The following VPS52 variants were observed in gnomAD, a reference collection of about 807,000 sequenced individuals.
VPS52 encodes VPS52 subunit of GARP complex, also known as vacuolar protein sorting-associated protein 52 homolog.
A neutral mutation model predicts 98.7 loss-of-function variants in VPS52; 56 were observed. The observed-to-expected ratio is 0.57, with a 90% confidence interval of 0.46 to 0.71. VPS52 has a LOEUF of 0.71. Among genes scored for constraint, VPS52 ranks in the 30% least tolerant of loss-of-function variants. VPS52 has a pLI of 0.00. For synonymous variants in VPS52, 348 were observed against 346.4 expected, an observed-to-expected ratio of 1.00 and a Z score of -0.05; for missense variants, 742 against 925.9, an observed-to-expected ratio of 0.80 and a Z score of 2.58.
intron 1 of VPS52, chr6:33,271,277 G>A (rs1765027153): frequency 1.6e-6 from 1 of 620,998 alleles, no homozygotes; most frequent in Non-Finnish European, 2.9e-6. Flanking sequence ...CACACAGCGT[G>A]TAAGTGGCAG....
rs757220709 is a variant in VPS52 at position 33,263,988 on chromosome 6, G to A, written c.1620+20C>T. ...GGAAGCAGCCCTGCTGCTGGGAAGT[G>A]TCTCCTGTCCGACCCTCACCTGCAG... is the stretch of plus-strand genomic sequence containing the variant. On this transcript the variant is annotated intron_variant, in intron 15 of 19. Coordinates refer to ENST00000445902, the MANE Select transcript of VPS52 (RefSeq NM_022553.6). 2.5e-5 allele frequency: 40 copies of A among 1,614,006 alleles called. No homozygotes were observed. The highest frequency in any genetic ancestry group is 3.3e-5 in the Non-Finnish European group (39 of 1,179,964).
chr6:33,253,625 C>T (rs541874293), intron 17 of VPS52, among the ~76,000 whole-genome samples: 19 of 151,954 alleles, frequency 1.3e-4, no homozygotes, highest in East Asian at 5.8e-4. Flanking sequence ...TGTGGTGGCA[C>T]ACACCTGTAG....
chr6:33,258,135 C>A (rs1252564236), intron 17 of VPS52, among the ~76,000 whole-genome samples: 2 of 152,054 alleles, frequency 1.3e-5, no homozygotes, highest in African/African-American at 2.4e-5. Flanking sequence ...TGCCTGTAAT[C>A]CCAGCATTTT....
chr6:33,267,663 T>C lies in VPS52; in HGVS notation c.991+19A>G. 6.2e-7 allele frequency: 1 copy of C among 1,612,870 alleles called. No individual in the cohort carries two copies. Among genetic ancestry groups the C allele is most frequent in the South Asian group, 1.1e-5 (1 of 91,070 alleles). On this transcript the variant is annotated intron_variant, in intron 10 of 19. Coordinates refer to ENST00000445902, the MANE Select transcript of VPS52 (RefSeq NM_022553.6). The surrounding 1 kb of genome is among the most constrained non-coding windows in gnomAD (Gnocchi z 4.2). Reference sequence around the variant, plus strand: ...CCACTCTCAAGGCCTGGCATGAGGGTTCCCCAGTACTAGGATATCTTTCTT... The same window carrying C: ...CCACTCTCAAGGCCTGGCATGAGGGCTCCCCAGTACTAGGATATCTTTCTT...
intron 19 of VPS52, 80 bp downstream of exon 19, chr6:33,251,438 A>G: frequency 1.1e-6 from 1 of 943,244 alleles, no homozygotes; most frequent in Non-Finnish European, 1.7e-6. Flanking sequence ...GGTCACTTAG[A>G]TGATGCTGAG....
chr6:33,252,281 G>A (rs1762363768), intron 17 of VPS52, among the ~76,000 whole-genome samples: 1 of 152,182 alleles, frequency 6.6e-6, no homozygotes, highest in East Asian at 1.9e-4. Context: ...CAGTTGTACT[G>A]TGTGCAATGT....
chr6:33,252,140 A>C (rs1762345733), intron 17 of VPS52, among the ~76,000 whole-genome samples, 169 bp from the exon 18 acceptor site: 1 of 152,256 alleles, frequency 6.6e-6, no homozygotes, highest in African/African-American at 2.4e-5. Context: ...TTTGGCCCAT[A>C]CAGTTCCCCT....
intron 17 of VPS52, among the ~76,000 whole-genome samples, chr6:33,261,090 C>T (rs1562550262): frequency 6.6e-6 from 1 of 152,018 alleles, no homozygotes; most frequent in East Asian, 1.9e-4. Context: ...AGACAACTGT[C>T]TTTACAAAAT....
chr6:33,264,737 G>C lies in VPS52; in HGVS notation c.1400+45C>G, dbSNP rs780420454. The C allele has an allele frequency of 7.0e-6, 11 of 1,566,978 alleles. No individual in the cohort carries two copies. The South Asian group carries it at 1.2e-4, about 17-fold the overall frequency. ...TCAGGGCAGAGTCATGCAAGACCAAGAGAGTTCGTGGCCTGTTGGGCATCA... is the reference window on the plus strand; with the variant it reads ...TCAGGGCAGAGTCATGCAAGACCAACAGAGTTCGTGGCCTGTTGGGCATCA... On this transcript the variant is annotated intron_variant, in intron 13 of 19. Transcript: ENST00000445902.
At chr6:33,269,306 G>C in intron 5 of VPS52, 117 bp from the exon 6 acceptor site, 2 of 1,443,740 alleles carry the variant, frequency 1.4e-6, no homozygotes, top group Non-Finnish European at 1.9e-6. Context: ...GGCAGATGAT[G>C]AGACACCCCA....
intron 16 of VPS52, 64 bp downstream of exon 16, chr6:33,263,708 C>G (rs1451148646): frequency 8.2e-6 from 13 of 1,594,588 alleles, no homozygotes; most frequent in Non-Finnish European, 1.1e-5. Context: ...CCTCACAGAG[C>G]TAACAGCAGT....
At chr6:33,269,284 G>GC in intron 5 of VPS52, 95 bp from the exon 6 acceptor site, 1 of 1,532,776 alleles carries the variant, frequency 6.5e-7, no homozygotes, top group Non-Finnish European at 8.9e-7. Flanking sequence ...GTATTTATCA[G>GC]TCCTTGAGGG....
chr6:33,263,621 C>T (rs1763931944), intron 16 of VPS52, 72 bp from the exon 17 acceptor site: 1 of 1,599,296 alleles, frequency 6.3e-7, no homozygotes, highest in East Asian at 2.2e-5. Context: ...CCCTTCATTC[C>T]ACACTTATTG....
chr6:33,257,140 C>G (rs1481519740), intron 17 of VPS52, among the ~76,000 whole-genome samples: 1 of 152,126 alleles, frequency 6.6e-6, no homozygotes, highest in Non-Finnish European at 1.5e-5. Context: ...AGTGATCCTC[C>G]CACCTCAGCT....
intron 17 of VPS52, among the ~76,000 whole-genome samples, chr6:33,261,736 G>A (rs941221419): frequency 1.1e-4 from 16 of 151,794 alleles, no homozygotes; most frequent in African/African-American, 3.6e-4. Context: ...ATGGGATCAC[G>A]TCAAGTTACA....
At position 33,264,306 on chromosome 6, in the gene VPS52, C is replaced by A. The variant is rs977922952; in HGVS notation, c.1524+68G>T. On this transcript the variant is annotated intron_variant, in intron 14 of 19. Coordinates refer to ENST00000445902, the MANE Select transcript of VPS52 (RefSeq NM_022553.6). Reference sequence around the variant, plus strand: ...GCCCATGACACAACTGTGACCTTGGCCAACCCCCACAATGATGCTTAGAGC... The same window carrying A: ...GCCCATGACACAACTGTGACCTTGGACAACCCCCACAATGATGCTTAGAGC... 8 of 1,592,120 alleles carry A rather than the reference C, an allele frequency of 5.0e-6. No individual in the cohort carries two copies. The South Asian group carries it at 6.9e-5, about 14-fold the overall frequency.
At chr6:33,264,926 G>A (rs1764115666) in intron 12 of VPS52, 26 bp from the exon 13 acceptor site, 8 of 1,569,260 alleles carry the variant, frequency 5.1e-6, no homozygotes, top group Non-Finnish European at 7.0e-6. Flanking sequence ...ACAAACAGAG[G>A]ATTAAAAGAG....
chr6:33,251,290 C>T (rs577057466), intron 19 of VPS52, among the ~76,000 whole-genome samples: 117 of 151,166 alleles, frequency 7.7e-4, no homozygotes, highest in Non-Finnish European at 1.1e-3. Context: ...TGCAGTGAGC[C>T]GAGACTGTGC....
At position 33,271,656 on chromosome 6, in the gene VPS52, A is replaced by G. The variant is rs1765113038; in HGVS notation, c.20T>C (p.Met7Thr). 6.2e-7 allele frequency: 1 copy of G among 1,610,112 alleles called. No individual in the cohort carries two copies. Among genetic ancestry groups the G allele is most frequent in the Admixed American group, 1.7e-5 (1 of 59,892 alleles). Residue 7 changes from methionine to threonine, a missense_variant, in exon 1 of 20, where the codon ATG becomes ACG. Physicochemically the swap from Met to Thr is moderately conservative, Grantham distance 81. This residue lies in a region of VPS52 where 152 missense variants were observed against 132.6 expected (regional missense o/e 1.15). Coordinates refer to ENST00000445902, the MANE Select transcript of VPS52 (RefSeq NM_022553.6). The part of the protein sequence containing the change: MAAAAT[M>T]AAAARELVLR... ...CACCAGTTCCCGGGCCGCAGCCGCC[A>G]TGGTCGCAGCGGCGGCCATTCCCCG...
Sources: allele counts gnomAD v4.1 joint callset (sites outside exome capture counted in the v4.1 genomes callset), GRCh38; gene constraint gnomAD v4.1.1; regional missense constraint gnomAD v4.1.1; non-coding constraint Gnocchi (gnomAD v3.1); transcripts MANE v1.5; gene names NCBI Gene and HGNC (gene_info 2026-07-23, HGNC 2026-07-21).